WDPCP: variants seen among roughly 807,000 people sequenced by gnomAD.
WDPCP encodes the protein WD repeat-containing and planar cell polarity effector protein fritz homolog.
In WDPCP, 71 loss-of-function variants were observed where a neutral mutation model predicts 93.1. The observed-to-expected ratio is 0.76, with a 90% CI of 0.63 to 0.93. The LOEUF is 0.93. Ranked by LOEUF, WDPCP falls within the 40% of genes least tolerant of loss-of-function variation. The pLI is 0.00. For synonymous variants in WDPCP, 315 were observed against 315.0 expected, an observed-to-expected ratio of 1.00 and a Z score of 0.00; for missense variants, 844 against 887.4, an observed-to-expected ratio of 0.95 and a Z score of 0.62.
intron 14 of WDPCP, among the ~76,000 whole-genome samples, chr2:63,179,318 G>A (rs1674060094): frequency 6.6e-6 from 1 of 151,592 alleles, no homozygotes; most frequent in African/African-American, 2.4e-5. Context: ...TCAGCTTCTG[G>A]GGAGGACTCA....
In WDPCP at chr2:63,604,777, G is replaced by T. The variant is rs769038232; in HGVS notation, n.488+45882C>A. ...AAACCATTCCTCGACTCAGTATCCA[G>T]ATGTCAACCATGCCAAGGTGAAATT... On this transcript the variant is annotated intron_variant and non_coding_transcript_variant, in intron 3 of 4. Transcript: ENST00000467687. 8 of 1,614,058 alleles carry T rather than the reference G, an allele frequency of 5.0e-6. No individual in the cohort carries two copies. In the Admixed American group the frequency reaches 1.2e-4, roughly 24 times the overall value.
intron 1 of WDPCP, among the ~76,000 whole-genome samples, chr2:63,577,583 A>C (rs1409432758): frequency 6.6e-6 from 1 of 152,194 alleles, no homozygotes; most frequent in Admixed American, 6.5e-5. Context: ...TAGTCATGTA[A>C]GCCTGTGAGA....
intron 1 of WDPCP, among the ~76,000 whole-genome samples, chr2:63,555,248 C>A (rs982780697): frequency 1.3e-5 from 2 of 152,226 alleles, no homozygotes; most frequent in African/African-American, 4.8e-5. Flanking sequence ...CTCTTGAGGC[C>A]GGACCCTGAC....
intron 14 of WDPCP, among the ~76,000 whole-genome samples, chr2:63,244,257 T>C (rs62177793): frequency 0.2 from 30,639 of 151,860 alleles, 3,934 homozygotes; most frequent in Non-Finnish European, 0.3. Context: ...AACACCTACA[T>C]CAAGAAGTTA....
At chr2:63,814,917 G>A (rs1232997774) in intron 1 of WDPCP, among the ~76,000 whole-genome samples, 1 of 152,144 alleles carries the variant, frequency 6.6e-6, no homozygotes, top group Non-Finnish European at 1.5e-5. Context: ...AACCAAAAGG[G>A]AAATGAAAGG....
intron 2 of WDPCP, among the ~76,000 whole-genome samples, chr2:63,699,714 G>A (rs149645613): frequency 9.8e-5 from 15 of 152,334 alleles, no homozygotes; most frequent in African/African-American, 3.1e-4. Context: ...GTATCCCATA[G>A]CCAGGGCAAA....
At chr2:63,358,185 A>G (rs2104624957) in intron 12 of WDPCP, among the ~76,000 whole-genome samples, 1 of 152,264 alleles carries the variant, frequency 6.6e-6, no homozygotes, top group Middle Eastern at 3.4e-3. Flanking sequence ...CCATCATGAC[A>G]CATGTTTATG....
chr2:63,737,895 A>G (rs1168090545), intron 2 of WDPCP, among the ~76,000 whole-genome samples: 2 of 152,184 alleles, frequency 1.3e-5, no homozygotes, highest in Non-Finnish European at 2.9e-5. Context: ...ATTTTAAAAA[A>G]TTTTGTTTGA....
At chr2:63,650,620 A>T (rs1710098119) in intron 3 of WDPCP, 3 of 152,208 alleles carry the variant, frequency 2.0e-5, no homozygotes, top group African/African-American at 7.2e-5. Flanking sequence ...TTGGAGGAAG[A>T]TAAGTGAAGT....
rs535159938 is a variant in WDPCP at position 63,120,337 on chromosome 2, A to G, written c.*1669T>C. 3.9e-5 allele frequency among the ~76,000 whole-genome samples: 6 copies of G among 152,254 alleles called. No individual in the cohort carries two copies. Among genetic ancestry groups the G allele is most frequent in the African/African-American group, 1.4e-4 (6 of 41,544 alleles). ...TTTCAGAGCAATAACAAAATGAAAA[A>G]TCTAATTTGAGTTTCACCTTTTTTT... On this transcript the variant is annotated 3_prime_UTR_variant, in exon 18 of 18. Transcript: ENST00000272321.
At position 63,559,315 on chromosome 2, in the gene WDPCP, T is replaced by A. The variant is rs1575647826; in HGVS notation, c.75+28882A>T. ...ATTTATGACAACCCACAGCCAATAT[T>A]ATATTGAATGGGCAAAAGCTGGAAG... On this transcript the variant is annotated intron_variant, in intron 1 of 17. Coordinates refer to ENST00000272321, the MANE Select transcript of WDPCP (RefSeq NM_015910.7). Among the ~76,000 whole-genome samples the A allele has an allele frequency of 2.0e-5, 3 of 152,258 alleles. No homozygotes were observed. In the East Asian group the frequency reaches 5.8e-4, roughly 29 times the overall value.
At chr2:63,415,402 G>C (rs767169138) in intron 9 of WDPCP, among the ~76,000 whole-genome samples, 13 of 152,164 alleles carry the variant, frequency 8.5e-5, no homozygotes, top group African/African-American at 2.4e-4. Context: ...ATAAGTTTCC[G>C]TAAAGAGTAA....
chr2:63,239,050 A>G (rs1004206076), intron 14 of WDPCP, among the ~76,000 whole-genome samples: 2 of 152,230 alleles, frequency 1.3e-5, no homozygotes, highest in African/African-American at 2.4e-5. Flanking sequence ...ATACAGCCTC[A>G]GTGCAGCACT....
At chr2:63,256,246 C>T (rs1681135052) in intron 14 of WDPCP, among the ~76,000 whole-genome samples, 1 of 151,960 alleles carries the variant, frequency 6.6e-6, no homozygotes, top group Non-Finnish European at 1.5e-5. Flanking sequence ...TCTTAAAGAA[C>T]AAAGCTGGGC....
At chr2:63,805,777 C>T (rs1670755419) in intron 2 of WDPCP, among the ~76,000 whole-genome samples, 1 of 152,140 alleles carries the variant, frequency 6.6e-6, no homozygotes, top group South Asian at 2.1e-4. Context: ...ATTATTAATA[C>T]AGAACTTAGT....
chr2:63,686,266 A>G (rs1183053433), intron 2 of WDPCP, among the ~76,000 whole-genome samples: 2 of 152,218 alleles, frequency 1.3e-5, no homozygotes, highest in Non-Finnish European at 2.9e-5. Context: ...TACAAAATCA[A>G]TACACAAAAT....
intron 10 of WDPCP, among the ~76,000 whole-genome samples, chr2:63,387,039 G>A (rs1053737755): frequency 2.6e-5 from 4 of 151,972 alleles, no homozygotes; most frequent in Non-Finnish European, 5.9e-5. Context: ...ACAATTCACA[G>A]CCAAATTCTA....
Position 63,532,805 on chromosome 2 carries a change from C to T in WDPCP, c.76-39865G>A, listed in dbSNP as rs543484467. On this transcript the variant is annotated intron_variant, in intron 1 of 17. Coordinates refer to ENST00000272321, the MANE Select transcript of WDPCP (RefSeq NM_015910.7). ...GCTAGGAAGAAACTGCATCAACTAACGAGCAAAATAACCAGCTAATATCAT... is the reference window on the plus strand; with the variant it reads ...GCTAGGAAGAAACTGCATCAACTAATGAGCAAAATAACCAGCTAATATCAT... Among the ~76,000 whole-genome samples, 5 of 152,246 alleles carry T rather than the reference C, an allele frequency of 3.3e-5. No homozygotes were observed. The South Asian group carries it at 8.3e-4, about 25-fold the overall frequency.
chr2:63,679,344 A>G (rs934363954), intron 2 of WDPCP, among the ~76,000 whole-genome samples: 6 of 152,036 alleles, frequency 3.9e-5, no homozygotes, highest in South Asian at 2.1e-4. Context: ...GTGTGTGGAG[A>G]ATTAGAATGA....
Sources: allele counts gnomAD v4.1 joint callset (sites outside exome capture counted in the v4.1 genomes callset), GRCh38; gene constraint gnomAD v4.1.1; transcripts MANE v1.5; gene names NCBI Gene and HGNC (gene_info 2026-07-23, HGNC 2026-07-21).